USP50: variants seen among roughly 807,000 people sequenced by gnomAD.
USP50 encodes the protein ubiquitin carboxyl-terminal hydrolase 50.
A neutral mutation model predicts 39.2 loss-of-function variants in USP50; 37 were observed. The observed-to-expected ratio is 0.94, with a 90% CI of 0.73 to 1.24. USP50 has a LOEUF of 1.24. USP50 is among the 50% of genes most tolerant of loss of function. The pLI is 0.00. For synonymous variants in USP50, 139 were observed against 144.5 expected (o/e 0.96, Z 0.27); for missense variants, 374 against 398.2 (o/e 0.94, Z 0.52).
chr15:50,514,768 T>C (rs1282872443), intron 6 of USP50, among the ~76,000 whole-genome samples: 3 of 151,986 alleles, frequency 2.0e-5, no homozygotes, highest in Non-Finnish European at 4.4e-5. Context: ...GACTTCGTGA[T>C]CTGCTTGCCT....
At chr15:50,531,028 C>A (rs72739001) in intron 5 of USP50, among the ~76,000 whole-genome samples, 1 of 151,846 alleles carries the variant, frequency 6.6e-6, no homozygotes, top group Non-Finnish European at 1.5e-5. Flanking sequence ...GTTTGTAAAT[C>A]TGGGCTCACA....
chr15:50,515,740 A>G (rs978489364), intron 6 of USP50, among the ~76,000 whole-genome samples: 5 of 152,032 alleles, frequency 3.3e-5, no homozygotes, highest in Admixed American at 6.6e-5. Flanking sequence ...GCATTAATAG[A>G]TTAAAGGAGA....
chr15:50,497,477 G>T (rs2052461199), downstream of USP50: 2 of 332,734 alleles, frequency 6.0e-6, no homozygotes, highest in African/African-American at 2.1e-5. Context: ...TAATTACAAA[G>T]CATCAAGTGA....
At position 50,530,596 on chromosome 15, in the gene USP50, TAAA is replaced by T. The variant is rs543432392; in HGVS notation, c.804-670_804-668del. On this transcript the variant is annotated intron_variant, in intron 5 of 6. Coordinates refer to ENST00000532404, the MANE Select transcript of USP50 (RefSeq NM_203494.5). ...GAGACTCCTTTCCAAAAATAAAAAA[TAAA>T]AAAAAAAAGTAATTTCCTGGAAAGA... 8.4e-5 allele frequency among the ~76,000 whole-genome samples: 12 copies of T among 142,690 alleles called. No homozygotes were observed. In the East Asian group the frequency reaches 2.4e-3, roughly 29 times the overall value. The allele number at this position is 142,690 out of a possible 152,430, so 93.6% of individuals were successfully genotyped here.
At chr15:50,505,840 C>G (rs900169581) in intron 6 of USP50, 1 of 152,234 alleles carries the variant, frequency 6.6e-6, no homozygotes, top group South Asian at 2.1e-4. Context: ...GCCTGTAGTC[C>G]CAGCTACTTG....
At chr15:50,505,449 A>G (rs910929883) in intron 6 of USP50, 1 of 152,204 alleles carries the variant, frequency 6.6e-6, no homozygotes, top group African/African-American at 2.4e-5. Flanking sequence ...AAAGTGAATT[A>G]AAGACTTCTC....
chr15:50,493,583 GTC>G, downstream of USP50: 1 of 473,518 alleles, frequency 2.1e-6, no homozygotes, highest in Non-Finnish European at 4.2e-6. Flanking sequence ...GCAAAACTCC[GTC>G]TCTACAAAAA....
chr15:50,498,500 A>T, downstream of USP50: 11 of 1,411,432 alleles, frequency 7.8e-6, no homozygotes, highest in Non-Finnish European at 1.0e-5. Flanking sequence ...TTTGAAATGG[A>T]TTTTACAGTC....
At position 50,529,929 on chromosome 15, in the gene USP50, C is replaced by A; in HGVS notation, c.804G>T (p.Arg268Ser). The A allele has an allele frequency of 6.2e-7, 1 of 1,613,486 alleles. No individual in the cohort carries two copies. The highest frequency in any genetic ancestry group is 1.1e-5 in the South Asian group (1 of 90,960). ...TTTTTGTTGTACCCTGAATGTCAAA[C>A]CTGCAGGTATAATAAATGTGTGAAA... ...APKIIIFHLKRFDIQGTTKRK... is the reference protein window; with the variant it reads ...APKIIIFHLKSFDIQGTTKRK... The change falls in exon 6 of 7, where the codon AGG (arginine) becomes AGT (serine). Residue 268 changes from arginine (R) to serine (S), a missense_variant and splice_region_variant. Transcript: ENST00000532404.
chr15:50,520,616 C>T (rs545933082), intron 6 of USP50, among the ~76,000 whole-genome samples: 6 of 151,834 alleles, frequency 4.0e-5, no homozygotes, highest in Admixed American at 2.0e-4. Context: ...GTCTCTTCCC[C>T]GCCCCCGCCA....
downstream of USP50, chr15:50,498,883 T>TTTCTA (rs1555393308): frequency 1.3e-6 from 2 of 1,568,316 alleles, no homozygotes; most frequent in African/African-American, 1.4e-5. Context: ...TGATTTTTTT[T>TTTCTA]TCTATCTTGT....
intron 6 of USP50, chr15:50,502,412 A>C (rs1191754215): frequency 6.6e-6 from 1 of 152,338 alleles, no homozygotes; most frequent in Non-Finnish European, 1.5e-5. Flanking sequence ...TCTGTTGCCC[A>C]GGCTGGAGTG....
At chr15:50,515,287 G>C (rs2052792729) in intron 6 of USP50, among the ~76,000 whole-genome samples, 1 of 152,138 alleles carries the variant, frequency 6.6e-6, no homozygotes, top group East Asian at 1.9e-4. Flanking sequence ...TGTCGCCCAG[G>C]CTGGAGTGCA....
At chr15:50,543,962 C>T (rs1315224841) in intron 2 of USP50, 169 bp from the exon 3 acceptor site, 16 of 640,268 alleles carry the variant, frequency 2.5e-5, no homozygotes, top group Non-Finnish European at 3.6e-5. Context: ...CCCAGAAGGT[C>T]GAGGCTGCAG....
intron 6 of USP50, among the ~76,000 whole-genome samples, chr15:50,529,432 G>A (rs1490335005): frequency 2.0e-5 from 3 of 151,852 alleles, no homozygotes; most frequent in South Asian, 2.1e-4. Flanking sequence ...AGGCTGCAGC[G>A]AGCTGGGATT....
At chr15:50,507,375 G>A (rs2052677082) in intron 6 of USP50, 1 of 152,178 alleles carries the variant, frequency 6.6e-6, no homozygotes, top group Non-Finnish European at 1.5e-5. Context: ...GCATCATGTT[G>A]GTGCTTAAAA....
intron 6 of USP50, among the ~76,000 whole-genome samples, chr15:50,529,242 G>A (rs1286506756): frequency 6.6e-6 from 1 of 151,904 alleles, no homozygotes; most frequent in African/African-American, 2.4e-5. Context: ...GGGCATGGTG[G>A]CTGATGCTTG....
At chr15:50,522,851 T>C (rs1327522484) in intron 6 of USP50, among the ~76,000 whole-genome samples, 2 of 152,066 alleles carry the variant, frequency 1.3e-5, no homozygotes, top group East Asian at 3.9e-4. Context: ...TTTCACCATG[T>C]TGTCCAGGCT....
Position 50,522,001 on chromosome 15 carries a change from C to G in USP50, c.936+7796G>C, listed in dbSNP as rs1223926879. On this transcript the variant is annotated intron_variant, in intron 6 of 6. Transcript: ENST00000532404. ...AAACAAAAGAGGACACATTACAATT[C>G]ATAACACAAATATAAAGGATCCTAA... Among the ~76,000 whole-genome samples, 4 of 151,970 alleles carry G rather than the reference C, an allele frequency of 2.6e-5. No individual in the cohort carries two copies. In the South Asian group the frequency reaches 6.2e-4, roughly 24 times the overall value.
Sources: allele counts gnomAD v4.1 joint callset (sites outside exome capture counted in the v4.1 genomes callset), GRCh38; gene constraint gnomAD v4.1.1; transcripts MANE v1.5; gene names NCBI Gene and HGNC (gene_info 2026-07-23, HGNC 2026-07-21).